Variants in LIN7A observed in about 807,000 individuals in gnomAD.
LIN7A encodes lin-7 cell polarity scaffold A, also known as protein lin-7 homolog A.
Under a neutral mutation model 29.8 loss-of-function variants are expected in LIN7A, and 25 were observed. The ratio of observed to expected loss-of-function variants is 0.84; its 90% CI spans 0.61 to 1.17. The LOEUF is 1.17. Among genes scored for constraint, LIN7A ranks in the 50% most tolerant of loss-of-function variants. The pLI is 0.00. For missense variants in LIN7A, 239 were observed against 287.0 expected, an observed-to-expected ratio of 0.83 and a Z score of 1.21; for synonymous variants, 118 against 107.5, an observed-to-expected ratio of 1.10 and a Z score of -0.60.
At chr12:80,838,150 A>C (rs1872664526) in intron 4 of LIN7A, among the ~76,000 whole-genome samples, 1 of 152,204 alleles carries the variant, frequency 6.6e-6, no homozygotes, top group South Asian at 2.1e-4. Flanking sequence ...ATGTGTGGGA[A>C]TGCTTCCCTC....
chr12:80,894,952 C>T (rs1312206891), intron 1 of LIN7A, among the ~76,000 whole-genome samples: 1 of 152,146 alleles, frequency 6.6e-6, no homozygotes, highest in East Asian at 1.9e-4. Context: ...AATGGAGAGG[C>T]CAGAATCCAA....
chr12:80,868,115 C>G (rs187855330), intron 2 of LIN7A, among the ~76,000 whole-genome samples: 47 of 152,300 alleles, frequency 3.1e-4, no homozygotes, highest in Non-Finnish European at 6.2e-4. Flanking sequence ...CTTGGTAGCA[C>G]TTCTTTTACT....
intron 3 of LIN7A, chr12:80,847,959 G>GA (rs1873154416): frequency 4.4e-6 from 2 of 456,890 alleles, no homozygotes; most frequent in South Asian, 4.1e-5. Context: ...GAATGTGTCT[G>GA]AAAATCATAT....
intron 1 of LIN7A, among the ~76,000 whole-genome samples, chr12:80,893,234 A>G (rs779217455): frequency 1.3e-5 from 2 of 152,208 alleles, no homozygotes; most frequent in African/African-American, 4.8e-5. Flanking sequence ...AGAATGATTC[A>G]TAAAAGCCCA....
intron 2 of LIN7A, among the ~76,000 whole-genome samples, chr12:80,871,554 C>T (rs1182825890): frequency 1.3e-5 from 2 of 151,840 alleles, no homozygotes; most frequent in Non-Finnish European, 2.9e-5. Flanking sequence ...CAATCCCAAA[C>T]GTACTGAAAT....
At chr12:80,870,586 A>G (rs572435131) in intron 2 of LIN7A, among the ~76,000 whole-genome samples, 108 of 152,332 alleles carry the variant, frequency 7.1e-4, no homozygotes, top group African/African-American at 2.5e-3. Flanking sequence ...AAATGTTCCA[A>G]AGATACACTA....
chr12:80,828,531 T>C (rs1017141646), intron 4 of LIN7A, among the ~76,000 whole-genome samples: 3 of 152,196 alleles, frequency 2.0e-5, no homozygotes, highest in Admixed American at 6.5e-5. Context: ...TAGTAGCTTA[T>C]ATTCATTGAG....
At chr12:80,935,942 A>T (rs1445680408) in intron 1 of LIN7A, 1 of 256,628 alleles carries the variant, frequency 3.9e-6, no homozygotes, top group Admixed American at 3.5e-5. Flanking sequence ...TATTATTAGT[A>T]GTAGTGGTAG....
At position 80,823,036 on chromosome 12, in the gene LIN7A, T is replaced by A. The variant is rs114003946; in HGVS notation, c.484-11353A>T. Reference sequence around the variant, plus strand: ...CCAGATTCAGCCAGACTCATGCAGATGATGGGTCGACCAGTCTGCAGAGAG... The same window carrying A: ...CCAGATTCAGCCAGACTCATGCAGAAGATGGGTCGACCAGTCTGCAGAGAG... On this transcript the variant is annotated intron_variant, in intron 4 of 5. Transcript: ENST00000552864. Among the ~76,000 whole-genome samples, 628 of 152,296 alleles carry A rather than the reference T, an allele frequency of 4.1e-3. 5 individuals are homozygous for A. The highest frequency in any genetic ancestry group is 0.014 in the African/African-American group (566 of 41,578).
intron 1 of LIN7A, among the ~76,000 whole-genome samples, chr12:80,932,482 A>G (rs1251912569): frequency 6.6e-6 from 1 of 152,238 alleles, no homozygotes; most frequent in Non-Finnish European, 1.5e-5. Flanking sequence ...ACTCACGGAA[A>G]AGTTAGATGA....
intron 2 of LIN7A, among the ~76,000 whole-genome samples, chr12:80,851,158 G>C (rs1372243160): frequency 6.6e-6 from 1 of 152,064 alleles, no homozygotes; most frequent in African/African-American, 2.4e-5. Flanking sequence ...GGTGTTATGA[G>C]AATTTCTTTA....
intron 1 of LIN7A, among the ~76,000 whole-genome samples, chr12:80,894,749 T>C (rs909446543): frequency 2.0e-5 from 3 of 152,230 alleles, no homozygotes; most frequent in Non-Finnish European, 4.4e-5. Context: ...CTGAGTTTAA[T>C]ACATGGTCCA....
At chr12:80,931,058 G>A (rs1169834226) in intron 1 of LIN7A, among the ~76,000 whole-genome samples, 1 of 152,126 alleles carries the variant, frequency 6.6e-6, no homozygotes, top group African/African-American at 2.4e-5. Context: ...AAGAGATACT[G>A]GCATTGTGCA....
At chr12:80,924,069 T>A (rs1174105668) in intron 1 of LIN7A, among the ~76,000 whole-genome samples, 1 of 152,224 alleles carries the variant, frequency 6.6e-6, no homozygotes, top group Admixed American at 6.5e-5. Flanking sequence ...AAATATGTTA[T>A]TCTAAATTAT....
At chr12:80,897,227 C>A (rs975613907) in intron 1 of LIN7A, among the ~76,000 whole-genome samples, 5 of 151,684 alleles carry the variant, frequency 3.3e-5, no homozygotes, top group Non-Finnish European at 5.9e-5. Context: ...TATTTGATGT[C>A]TTTCCTTTAT....
Position 80,848,311 on chromosome 12 carries a change from A to G in LIN7A, c.213T>C (p.Tyr71=), listed in dbSNP as rs1873172863. 1.2e-6 allele frequency: 2 copies of G among 1,608,426 alleles called. No individual in the cohort carries two copies. The highest frequency in any genetic ancestry group is 8.5e-7 in the Non-Finnish European group (1 of 1,174,954). ...CATTAACAGTTATCGTTTCATGCAT[A>G]TATTGATACACCTAAAATGTTCACA... is the stretch of plus-strand genomic sequence containing the variant. ...FCTAIREVYQ[Y]MHETITVNGC... Residue 71 remains tyrosine, a synonymous_variant, in exon 3 of 6, where the codon TAT becomes TAC. Transcript: ENST00000552864.
intron 4 of LIN7A, among the ~76,000 whole-genome samples, chr12:80,816,762 G>A (rs1334236880): frequency 6.6e-6 from 1 of 152,078 alleles, no homozygotes; most frequent in Non-Finnish European, 1.5e-5. Flanking sequence ...AATGAACCAA[G>A]GTTTTCTTTG....
chr12:80,911,191 T>C (rs1876727256), intron 1 of LIN7A, among the ~76,000 whole-genome samples: 1 of 151,962 alleles, frequency 6.6e-6, no homozygotes, highest in African/African-American at 2.4e-5. Context: ...CAAAATTCAA[T>C]CTTTACATAC....
intron 2 of LIN7A, among the ~76,000 whole-genome samples, chr12:80,879,645 CAAAAAAAAAAAA>C (rs530877505): frequency 5.1e-5 from 3 of 58,740 alleles, no homozygotes; most frequent in African/African-American, 9.2e-5. Context: ...TGGAGCAGCC[CAAAAAAAAAAAA>C]AAAAAAAAAA....
Sources: gnomAD v4.1 joint callset for allele counts (sites outside exome capture counted in the v4.1 genomes callset) on GRCh38, gnomAD v4.1.1 for gene constraint, MANE v1.5 for transcripts, NCBI Gene and HGNC (gene_info 2026-07-23, HGNC 2026-07-21) for gene names.